Variants in MFGE8 observed in about 807,000 individuals in gnomAD.
MFGE8 encodes lactadherin.
In MFGE8, 34 loss-of-function variants were observed where a neutral mutation model predicts 42.6. That is an observed-to-expected ratio of 0.80 (90% CI 0.61 to 1.06). The LOEUF (loss-of-function observed/expected upper bound fraction) is 1.06, where lower values mean the gene tolerates loss of function less well. MFGE8 is among the 50% of genes least tolerant of loss of function. The pLI is 0.00. For synonymous variants in MFGE8, 230 were observed against 214.8 expected (o/e 1.07, Z -0.62); for missense variants, 510 against 516.9 (o/e 0.99, Z 0.13).
At chr15:88,911,221 T>G (rs1310049689) in intron 1 of MFGE8, 1 of 152,418 alleles carries the variant, frequency 6.6e-6, no homozygotes. Flanking sequence ...CCACCAGGGC[T>G]TCTGGATGGG....
At position 88,912,586 on chromosome 15, in the gene MFGE8, G is replaced by C. The variant is rs1323130673; in HGVS notation, c.73+661C>G. ...GCTGGCCTCCGGAGGCCTCCTGGGA[G>C]GCGGAGGAGGACCGGGGAAGATACA... On this transcript the variant is annotated intron_variant, in intron 1 of 7. Coordinates refer to ENST00000268150, the MANE Select transcript of MFGE8 (RefSeq NM_005928.4). 21 of 985,406 alleles carry C rather than the reference G, an allele frequency of 2.1e-5. No individual in the cohort carries two copies. The East Asian group carries it at 1.1e-3, about 53-fold the overall frequency. The allele number at this position is 985,406 out of a possible 1,614,324, so 61.0% of individuals were successfully genotyped here. A position where few individuals can be genotyped will look rare whatever the true frequency, so the allele number is the denominator to read the frequency against.
chr15:88,906,589 G>C lies in MFGE8; in HGVS notation c.540+37C>G, dbSNP rs200088231. On this transcript the variant is annotated intron_variant, in intron 4 of 7. Transcript: ENST00000268150. This position sits in a 1 kb window ranked among gnomAD's most constrained non-coding sequence, Gnocchi z 4.2. ...CAATGCTAGAACCTTAGGGGGTATG[G>C]ACCACAGCCCTTCTTTCGGGCCCCA... The C allele has an allele frequency of 6.2e-7, 1 of 1,612,842 alleles. No homozygotes were observed. Among genetic ancestry groups the C allele is most frequent in the Non-Finnish European group, 8.5e-7 (1 of 1,179,260 alleles).
At chr15:88,910,030 G>A (rs1596203307) in intron 1 of MFGE8, 107 bp from the exon 2 acceptor site, 12 of 1,387,464 alleles carry the variant, frequency 8.6e-6, no homozygotes, top group Middle Eastern at 1.8e-4. Flanking sequence ...ACTCAAACTC[G>A]CCCATTATCT....
intron 6 of MFGE8, among the ~76,000 whole-genome samples, chr15:88,900,267 A>G (rs1049506122): frequency 2.0e-5 from 3 of 149,622 alleles, no homozygotes; most frequent in Non-Finnish European, 3.0e-5. Context: ...AAAAGCGGTG[A>G]GGGGGCATAA....
chr15:88,910,389 T>C (rs1898900985), intron 1 of MFGE8: 1 of 259,470 alleles, frequency 3.9e-6, no homozygotes. Context: ...CAGGCACAGG[T>C]TGCAGTCACA....
chr15:88,906,027 G>A lies in MFGE8; in HGVS notation c.541-126C>T. 2 of 1,172,156 alleles carry A rather than the reference G, an allele frequency of 1.7e-6. No individual in the cohort carries two copies. Among genetic ancestry groups the A allele is most frequent in the Non-Finnish European group, 2.5e-6 (2 of 797,086 alleles). 72.6% of individuals were successfully genotyped at this position (1,172,156 alleles called of 1,614,324 possible). A position where few individuals can be genotyped will look rare whatever the true frequency, so the allele number is the denominator to read the frequency against. ...GGGCTGGGAGGGTGAAGAGGACTTG[G>A]AAGAGCCAGCAGAGGCTCACACAGC... On this transcript the variant is annotated intron_variant, in intron 4 of 7. Transcript: ENST00000268150. The surrounding 1 kb of genome is among the most constrained non-coding windows in gnomAD (Gnocchi z 4.2).
In MFGE8 at chr15:88,906,910, A is replaced by T. The variant is rs1898708538; in HGVS notation, c.388-132T>A. On this transcript the variant is annotated intron_variant, in intron 3 of 7. Transcript: ENST00000268150. The surrounding 1 kb of genome is among the most constrained non-coding windows in gnomAD (Gnocchi z 4.2). ...AAGCAAAACAGAGGAGGGGTAGCTG[A>T]GCACACTGCCCGCACAAAGGGCTTT... is the stretch of plus-strand genomic sequence containing the variant. The T allele has an allele frequency of 2.6e-6, 3 of 1,170,676 alleles. No homozygotes were observed. The East Asian group carries it at 7.5e-5, about 29-fold the overall frequency. 72.5% of individuals were successfully genotyped at this position (1,170,676 alleles called of 1,614,324 possible). A position where few individuals can be genotyped will look rare whatever the true frequency, so the allele number is the denominator to read the frequency against.
intron 2 of MFGE8, among the ~76,000 whole-genome samples, chr15:88,908,732 C>T (rs754119678): frequency 5.3e-5 from 8 of 152,174 alleles, no homozygotes; most frequent in South Asian, 2.1e-4. Flanking sequence ...GCAACCCGTC[C>T]GCCAAACCAT....
intron 1 of MFGE8, 36 bp downstream of exon 1, chr15:88,913,211 A>C: frequency 6.7e-7 from 1 of 1,485,020 alleles, no homozygotes; most frequent in Non-Finnish European, 8.9e-7. Flanking sequence ...CGCGGGGAGG[A>C]GGGGCGAGGG....
intron 2 of MFGE8, among the ~76,000 whole-genome samples, chr15:88,908,288 T>C (rs1327410917): frequency 6.6e-6 from 1 of 152,106 alleles, no homozygotes; most frequent in Non-Finnish European, 1.5e-5. Flanking sequence ...ACGAGCTCAG[T>C]GTTAGCGCAC....
At chr15:88,901,352 T>C (rs1898419080) in intron 6 of MFGE8, among the ~76,000 whole-genome samples, 199 bp downstream of exon 6, 1 of 151,762 alleles carries the variant, frequency 6.6e-6, no homozygotes, top group African/African-American at 2.4e-5. Flanking sequence ...CACACACCCT[T>C]TCTCCACCTT....
In MFGE8 at chr15:88,905,594, A is replaced by T; in HGVS notation, c.685+163T>A. 1.1e-6 allele frequency: 1 copy of T among 895,362 alleles called. No homozygotes were observed. Among genetic ancestry groups the T allele is most frequent in the Non-Finnish European group, 1.8e-6 (1 of 559,712 alleles). 55.5% of individuals were successfully genotyped at this position (895,362 alleles called of 1,614,324 possible). ...CAGCAAACACCTGGGTGGGGCTGCT[A>T]TGGCCAGGTGACCCCCTAGAGTGCG... is the stretch of plus-strand genomic sequence containing the variant. On this transcript the variant is annotated intron_variant, in intron 5 of 7. Transcript: ENST00000268150. The surrounding 1 kb of genome is among the most constrained non-coding windows in gnomAD (Gnocchi z 6.6).
chr15:88,900,039 G>A (rs1227405700), intron 6 of MFGE8, among the ~76,000 whole-genome samples: 3 of 152,098 alleles, frequency 2.0e-5, no homozygotes, highest in African/African-American at 7.2e-5. Flanking sequence ...TCAGGAGTTC[G>A]AGACCAGCCT....
chr15:88,908,416 C>A (rs1039043086), intron 2 of MFGE8, among the ~76,000 whole-genome samples: 3 of 152,198 alleles, frequency 2.0e-5, no homozygotes, highest in Non-Finnish European at 2.9e-5. Flanking sequence ...TACCCCACCA[C>A]GCTCACACCC....
At chr15:88,901,517 A>AAAACAAAAAAGCAGTCC in intron 6 of MFGE8, 34 bp downstream of exon 6, 1 of 1,072,616 alleles carries the variant, frequency 9.3e-7, no homozygotes, top group East Asian at 2.7e-5. Context: ...ATCCCACCCA[A>AAAACAAAAAAGCAGTCC]CCCCAGCCCC....
In MFGE8 at chr15:88,905,906, C is replaced by T; in HGVS notation, c.541-5G>A. 6.2e-7 allele frequency: 1 copy of T among 1,613,892 alleles called. No homozygotes were observed. Among genetic ancestry groups the T allele is most frequent in the Middle Eastern group, 1.7e-4 (1 of 6,050 alleles). ...GTTCCAGTTACCCACAAACTCCTAGCAGGGAAGGGACAAGACTGGAGAAGG... is the reference window on the plus strand; with the variant it reads ...GTTCCAGTTACCCACAAACTCCTAGTAGGGAAGGGACAAGACTGGAGAAGG... On this transcript the variant is annotated splice_region_variant and splice_polypyrimidine_tract_variant and intron_variant, in intron 4 of 7. Coordinates refer to ENST00000268150, the MANE Select transcript of MFGE8 (RefSeq NM_005928.4). The surrounding 1 kb of genome is among the most constrained non-coding windows in gnomAD (Gnocchi z 6.6).
rs1567211961 is a variant in MFGE8 at position 88,898,996 on chromosome 15, G to A, written c.*399C>T. ...GTTATCTCCAGCCTGGCGCTTCCGGGCCTTTCTTGAGGCCACCATGGGAAT... is the reference window on the plus strand; with the variant it reads ...GTTATCTCCAGCCTGGCGCTTCCGGACCTTTCTTGAGGCCACCATGGGAAT... On this transcript the variant is annotated 3_prime_UTR_variant, in exon 8 of 8. Transcript: ENST00000268150. The A allele has an allele frequency of 3.5e-6, 1 of 289,386 alleles. No homozygotes were observed. Among genetic ancestry groups the A allele is most frequent in the Non-Finnish European group, 6.8e-6 (1 of 148,138 alleles). 17.9% of individuals were successfully genotyped at this position (289,386 alleles called of 1,614,324 possible).
In MFGE8 at chr15:88,907,225, G is replaced by T; in HGVS notation, c.357C>A (p.Pro119=). 1.2e-6 allele frequency: 2 copies of T among 1,613,968 alleles called. No homozygotes were observed. Among genetic ancestry groups the T allele is most frequent in the Non-Finnish European group, 1.7e-6 (2 of 1,179,966 alleles). ...NRAGMVNAWT[P]SSNDDNPWIQ... Reference sequence around the variant, plus strand: ...TCCAGGGGTTATCGTCATTGCTGCTGGGTGTCCAGGCATTGACCATGCCTG... The same window carrying T: ...TCCAGGGGTTATCGTCATTGCTGCTTGGTGTCCAGGCATTGACCATGCCTG... The change falls in exon 3 of 8, where the codon CCC becomes CCA. Residue 119 remains proline (P), a synonymous_variant. Transcript: ENST00000268150.
chr15:88,905,932 G>A lies in MFGE8; in HGVS notation c.541-31C>T, dbSNP rs763036280. On this transcript the variant is annotated intron_variant, in intron 4 of 7. Coordinates refer to ENST00000268150, the MANE Select transcript of MFGE8 (RefSeq NM_005928.4). The surrounding 1 kb of genome is among the most constrained non-coding windows in gnomAD (Gnocchi z 6.6). The stretch of plus-strand genomic sequence containing the variant: ...AGGGAAGGGACAAGACTGGAGAAGG[G>A]GGTCCATCTGAGCAGTCCCCCTCCC... 1 of 1,613,798 alleles carries A rather than the reference G, an allele frequency of 6.2e-7. No individual in the cohort carries two copies. Among genetic ancestry groups the A allele is most frequent in the African/African-American group, 1.3e-5 (1 of 74,908 alleles).
Sources: allele counts gnomAD v4.1 joint callset (sites outside exome capture counted in the v4.1 genomes callset), GRCh38; gene constraint gnomAD v4.1.1; non-coding constraint Gnocchi (gnomAD v3.1); transcripts MANE v1.5; gene names NCBI Gene and HGNC (gene_info 2026-07-23, HGNC 2026-07-21).